Variants in FER1L5 observed in about 807,000 individuals in gnomAD.
FER1L5 encodes the protein fer-1-like protein 5.
Under a neutral mutation model 279.9 loss-of-function variants are expected in FER1L5, and 187 were observed. The ratio of observed to expected loss-of-function variants is 0.67; its 90% CI spans 0.59 to 0.75. The LOEUF is 0.75. FER1L5 is among the 30% of genes least tolerant of loss of function. The probability of loss-of-function intolerance (pLI) is 0.00; values close to 1 mark genes in which losing one functional copy is unlikely to be tolerated. For synonymous variants in FER1L5, 921 were observed against 989.7 expected (o/e 0.93, Z 1.30); for missense variants, 2,091 against 2,594.4 (o/e 0.81, Z 4.21).
chr2:96,674,476 G>A (rs1167882970), intron 19 of FER1L5, among the ~76,000 whole-genome samples: 2 of 152,056 alleles, frequency 1.3e-5, no homozygotes, highest in East Asian at 1.9e-4. Flanking sequence ...CACCCATCTC[G>A]GTCTCCCAAA....
Position 96,687,824 on chromosome 2 carries a change from G to A in FER1L5, c.2238G>A (p.Glu746=), listed in dbSNP as rs2076988441. The part of the protein sequence containing the change: ...KIQTLFLQYP[E]GEGQKDVLPA... ...ATCGGCCTCTGGCTCAGTACCCAGA[G>A]GGTGAAGGACAGAAGGATGTGCTCC... The change falls in exon 24 of 53, where the codon GAG becomes GAA. Residue 746 remains glutamate (E), a synonymous_variant. Coordinates refer to ENST00000624922, the MANE Select transcript of FER1L5 (RefSeq NM_001293083.2). 2 of 1,551,214 alleles carry A rather than the reference G, an allele frequency of 1.3e-6. No individual in the cohort carries two copies. Among genetic ancestry groups the A allele is most frequent in the Non-Finnish European group, 1.7e-6 (2 of 1,146,976 alleles).
At chr2:96,645,100 T>C (rs768960359) in intron 1 of FER1L5, among the ~76,000 whole-genome samples, 32 of 152,340 alleles carry the variant, frequency 2.1e-4, no homozygotes, top group East Asian at 1.9e-4. Flanking sequence ...CCCTTCCCAC[T>C]GCTTGGAGGG....
At chr2:96,678,040 T>C (rs1220575431) in intron 19 of FER1L5, among the ~76,000 whole-genome samples, 3 of 152,122 alleles carry the variant, frequency 2.0e-5, no homozygotes, top group Non-Finnish European at 4.4e-5. Context: ...TTTAGTATAG[T>C]AGGCACACAG....
At chr2:96,646,921 C>T (rs555651603) in intron 2 of FER1L5, 143 bp from the exon 3 acceptor site, 2 of 869,016 alleles carry the variant, frequency 2.3e-6, no homozygotes, top group East Asian at 2.7e-5. Flanking sequence ...AACGCCATCT[C>T]CTGAGGAAAT....
At chr2:96,659,424 T>TC (rs1491474099) in intron 9 of FER1L5, among the ~76,000 whole-genome samples, 2 of 10,690 alleles carry the variant, frequency 1.9e-4, no homozygotes, top group East Asian at 4.2e-3. Context: ...TTTCTTTCTT[T>TC]CTTTCTTTCT....
At position 96,694,419 on chromosome 2, in the gene FER1L5, A is replaced by G. The variant is rs1215053808; in HGVS notation, c.3696A>G (p.Thr1232=). The G allele has an allele frequency of 3.2e-6, 5 of 1,548,944 alleles. No homozygotes were observed. The highest frequency in any genetic ancestry group is 2.0e-5 in the Admixed American group (1 of 50,762). ...LSVPWKNGAY[T]LPKSIQPTIK... is the part of the protein sequence containing the mutation. ...TTCCCTGGAAGAATGGGGCATACACACTCCCCAAGAGCATCCAGCCCACGA... is the reference window on the plus strand; with the variant it reads ...TTCCCTGGAAGAATGGGGCATACACGCTCCCCAAGAGCATCCAGCCCACGA... The change falls in exon 34 of 53, where the codon ACA becomes ACG. Residue 1232 remains threonine (T), a synonymous_variant. Transcript: ENST00000624922. The surrounding 1 kb of genome is among the most constrained non-coding windows in gnomAD (Gnocchi z 4.6).
At chr2:96,673,979 A>T (rs563463531) in intron 19 of FER1L5, among the ~76,000 whole-genome samples, 68 of 152,316 alleles carry the variant, frequency 4.5e-4, no homozygotes, top group African/African-American at 1.6e-3. Flanking sequence ...CTTTCTGGGC[A>T]TCCCACTTCC....
At chr2:96,659,290 T>TGCCTGCCTGCCTGCCTGCC (rs2075732527) in intron 9 of FER1L5, among the ~76,000 whole-genome samples, 1 of 80,942 alleles carries the variant, frequency 1.2e-5, no homozygotes, top group African/African-American at 4.9e-5. Flanking sequence ...TTTATCAAGC[T>TGCCTGCCTGCCTGCCTGCC]TTCCTTCCTT....
intron 3 of FER1L5, 97 bp downstream of exon 3, chr2:96,647,252 G>T: frequency 7.7e-7 from 1 of 1,304,244 alleles, no homozygotes; most frequent in Non-Finnish European, 1.1e-6. Flanking sequence ...TCAGATGAAG[G>T]AATGGAACCC....
In FER1L5 at chr2:96,691,123, G is replaced by C. The variant is rs1209365627; in HGVS notation, c.2744-67G>C. ...AATGCCCCTCTAGGGCCTGTCTCCC[G>C]GGTTTGTCCAGGCCTCCCAACCTGC... On this transcript the variant is annotated intron_variant, in intron 27 of 52. Coordinates refer to ENST00000624922, the MANE Select transcript of FER1L5 (RefSeq NM_001293083.2). This position sits in a 1 kb window ranked among gnomAD's most constrained non-coding sequence, Gnocchi z 6.0. 25 of 1,477,604 alleles carry C rather than the reference G, an allele frequency of 1.7e-5. No homozygotes were observed. In the South Asian group the frequency reaches 2.6e-4, roughly 15 times the overall value. The allele number at this position is 1,477,604 out of a possible 1,614,324, so 91.5% of individuals were successfully genotyped here.
At position 96,698,951 on chromosome 2, in the gene FER1L5, C is replaced by G. The variant is rs1045616480; in HGVS notation, c.4519-94C>G. On this transcript the variant is annotated intron_variant, in intron 41 of 52. Transcript: ENST00000624922. This position sits in a 1 kb window ranked among gnomAD's most constrained non-coding sequence, Gnocchi z 5.5. ...AACTCCCCATAGGCTCCGTGTGGTG[C>G]GAGGGGCTTGTTTCCACCCTCCTCC... is the stretch of plus-strand genomic sequence containing the variant. 1.3e-6 allele frequency: 2 copies of G among 1,526,006 alleles called. No homozygotes were observed. The highest frequency in any genetic ancestry group is 8.9e-7 in the Non-Finnish European group (1 of 1,124,734). The allele number at this position is 1,526,006 out of a possible 1,614,324, so 94.5% of individuals were successfully genotyped here. A position where few individuals can be genotyped will look rare whatever the true frequency, so the allele number is the denominator to read the frequency against.
At chr2:96,657,654 C>A (rs1358229534) in intron 9 of FER1L5, among the ~76,000 whole-genome samples, 1 of 152,026 alleles carries the variant, frequency 6.6e-6, no homozygotes. Flanking sequence ...TCCTAGAGTT[C>A]TTATTAATAG....
rs1416789404 is a variant in FER1L5 at position 96,663,430 on chromosome 2, A to C, written c.1072-9A>C. The stretch of plus-strand genomic sequence containing the variant: ...AGGCTGGCACCAACACTGCTTTGGG[A>C]CATTCCAGCTCAGGACACACATGCA... On this transcript the variant is annotated splice_polypyrimidine_tract_variant and intron_variant, in intron 13 of 52. Transcript: ENST00000624922. 1 of 1,551,574 alleles carries C rather than the reference A, an allele frequency of 6.4e-7. No individual in the cohort carries two copies. Among genetic ancestry groups the C allele is most frequent in the Non-Finnish European group, 8.7e-7 (1 of 1,146,886 alleles).
At chr2:96,644,614 G>C (rs1473838255) in intron 1 of FER1L5, among the ~76,000 whole-genome samples, 2 of 152,200 alleles carry the variant, frequency 1.3e-5, no homozygotes, top group Non-Finnish European at 2.9e-5. Context: ...TCAGCAGGGA[G>C]AAAACCGGGC....
chr2:96,680,262 A>G (rs1558889789), intron 19 of FER1L5, among the ~76,000 whole-genome samples: 1 of 151,936 alleles, frequency 6.6e-6, no homozygotes, highest in Non-Finnish European at 1.5e-5. Flanking sequence ...GTATCCTCAC[A>G]CTGAGAGCCC....
chr2:96,698,726 T>G lies in FER1L5; in HGVS notation c.4412T>G (p.Leu1471Arg). The change falls in exon 41 of 53, where the codon CTG (leucine) becomes CGG (arginine). Residue 1471 changes from leucine (L) to arginine (R), a missense_variant. Coordinates refer to ENST00000624922, the MANE Select transcript of FER1L5 (RefSeq NM_001293083.2). The surrounding 1 kb of genome is among the most constrained non-coding windows in gnomAD (Gnocchi z 5.5). ...PENPEAPKPP[L>R]QFLVWPERED... ...AATCCAGAAGCCCCAAAGCCCCCGC[T>G]GCAGTTCTTGGTTTGGCCAGAGAGA... 1 of 1,581,326 alleles carries G rather than the reference T, an allele frequency of 6.3e-7. No homozygotes were observed. The highest frequency in any genetic ancestry group is 1.4e-5 in the African/African-American group (1 of 73,910).
At chr2:96,644,677 G>C (rs1233766572) in intron 1 of FER1L5, among the ~76,000 whole-genome samples, 1 of 152,140 alleles carries the variant, frequency 6.6e-6, no homozygotes, top group Non-Finnish European at 1.5e-5. Flanking sequence ...GTAATGAATG[G>C]AATTTCTTTA....
At chr2:96,643,699 C>T (rs1302253657) in intron 1 of FER1L5, among the ~76,000 whole-genome samples, 2 of 151,686 alleles carry the variant, frequency 1.3e-5, no homozygotes, top group African/African-American at 4.8e-5. Flanking sequence ...ACAGCAATTC[C>T]AGAGGTAAAT....
At chr2:96,652,244 C>T in intron 7 of FER1L5, 10 of 579,846 alleles carry the variant, frequency 1.7e-5, no homozygotes, top group South Asian at 1.2e-4. Flanking sequence ...CTCATGAATC[C>T]GTAAACAATT....
Sources: gnomAD v4.1 joint callset for allele counts (sites outside exome capture counted in the v4.1 genomes callset) on GRCh38, gnomAD v4.1.1 for gene constraint, Gnocchi (gnomAD v3.1) non-coding constraint, MANE v1.5 for transcripts, NCBI Gene and HGNC (gene_info 2026-07-23, HGNC 2026-07-21) for gene names.